The following WWOX variants were observed in gnomAD, a reference collection of about 807,000 sequenced individuals.
WWOX encodes WW domain containing oxidoreductase.
A neutral mutation model predicts 46.2 loss-of-function variants in WWOX; 69 were observed. The observed-to-expected ratio is 1.49, with a 90% CI of 1.23 to 1.82. The LOEUF is 1.82. WWOX is among the 40% of genes most tolerant of loss of function. The probability of loss-of-function intolerance (pLI) is 0.00; values close to 1 mark genes in which losing one functional copy is unlikely to be tolerated. For synonymous variants in WWOX, 359 were observed against 202.6 expected (o/e 1.77, Z -6.56); for missense variants, 919 against 542.6 (o/e 1.69, Z -6.89).
intron 8 of WWOX, among the ~76,000 whole-genome samples, chr16:78,993,502 C>T (rs947155985): frequency 6.6e-6 from 1 of 152,144 alleles, no homozygotes; most frequent in African/African-American, 2.4e-5. Context: ...AATGACTAAT[C>T]AGCACGCAGG....
At chr16:78,198,375 CA>C (rs2036123917) in intron 5 of WWOX, among the ~76,000 whole-genome samples, 1 of 152,152 alleles carries the variant, frequency 6.6e-6, no homozygotes, top group Admixed American at 6.5e-5. Context: ...TATTTGATGT[CA>C]GTAGGAAAAA....
chr16:78,421,723 A>G (rs1714343690), intron 6 of WWOX, among the ~76,000 whole-genome samples: 1 of 152,148 alleles, frequency 6.6e-6, no homozygotes, highest in Non-Finnish European at 1.5e-5. Context: ...TAGAATGGAA[A>G]AACAACAGTA....
chr16:78,969,471 G>T (rs972470669), intron 8 of WWOX, among the ~76,000 whole-genome samples: 3 of 151,798 alleles, frequency 2.0e-5, no homozygotes, highest in African/African-American at 7.3e-5. Context: ...GGGTTTCACC[G>T]TGTTGGCCAG....
At chr16:78,261,817 T>TATATATATATATAC (rs1567464802) in intron 5 of WWOX, among the ~76,000 whole-genome samples, 29 of 146,154 alleles carry the variant, frequency 2.0e-4, no homozygotes, top group African/African-American at 6.5e-4. Flanking sequence ...TATATATATA[T>TATATATATATATAC]ACTTATAATG....
intron 8 of WWOX, among the ~76,000 whole-genome samples, chr16:78,948,713 C>G (rs937712122): frequency 6.6e-6 from 1 of 152,150 alleles, no homozygotes; most frequent in Non-Finnish European, 1.5e-5. Flanking sequence ...GTAGGCAGAA[C>G]TTTGGCCCTC....
At chr16:78,578,269 TATATA>T in intron 8 of WWOX, among the ~76,000 whole-genome samples, 1 of 30,062 alleles carries the variant, frequency 3.3e-5, no homozygotes, top group African/African-American at 1.1e-4. Context: ...TATATATATA[TATATA>T]TATATATATA....
chr16:78,722,178 A>G (rs1332843214), intron 8 of WWOX, among the ~76,000 whole-genome samples: 2 of 152,188 alleles, frequency 1.3e-5, no homozygotes, highest in African/African-American at 4.8e-5. Context: ...CTGTCTGTCC[A>G]GTAGAGGACA....
In WWOX at chr16:78,679,569, T is replaced by TA. The variant is rs570404353; in HGVS notation, c.1056+246823dup. 4.7e-3 allele frequency among the ~76,000 whole-genome samples: 715 copies of TA among 152,048 alleles called. 6 individuals are homozygous for TA. The highest frequency in any genetic ancestry group is 7.2e-3 in the Non-Finnish European group (491 of 67,968). On this transcript the variant is annotated intron_variant, in intron 8 of 8. Transcript: ENST00000566780. ...CCATCTCAAAACATAAGTAAATAAATAAAAAATAAATATAATACAGACACA... is the reference window on the plus strand; with the variant it reads ...CCATCTCAAAACATAAGTAAATAAATAAAAAAATAAATATAATACAGACACA...
intron 8 of WWOX, among the ~76,000 whole-genome samples, chr16:79,039,801 T>C (rs2047937258): frequency 6.6e-6 from 1 of 152,172 alleles, no homozygotes; most frequent in Admixed American, 6.5e-5. Context: ...TCTGAACCTT[T>C]TTGCGTGCTC....
chr16:78,979,345 G>C (rs2046635779), intron 8 of WWOX, among the ~76,000 whole-genome samples: 1 of 152,046 alleles, frequency 6.6e-6, no homozygotes, highest in Non-Finnish European at 1.5e-5. Flanking sequence ...GTTAGGCATT[G>C]GTTTGGCTCC....
intron 5 of WWOX, among the ~76,000 whole-genome samples, chr16:78,205,948 C>CTTCCTT (rs1341854971): frequency 6.7e-6 from 1 of 149,896 alleles, no homozygotes; most frequent in African/African-American, 2.5e-5. Context: ...TCTTTTGTTC[C>CTTCCTT]TTCCTTTCTT....
At chr16:78,368,276 A>G (rs1010950903) in intron 5 of WWOX, among the ~76,000 whole-genome samples, 4 of 152,186 alleles carry the variant, frequency 2.6e-5, no homozygotes, top group African/African-American at 9.7e-5. Context: ...TGGAGGAGAA[A>G]GTTGTAGGTC....
intron 1 of WWOX, among the ~76,000 whole-genome samples, chr16:78,102,445 C>T (rs778780312): frequency 6.6e-6 from 1 of 152,230 alleles, no homozygotes; most frequent in Non-Finnish European, 1.5e-5. Flanking sequence ...ATTCATTCAG[C>T]TTGTGAATTC....
At chr16:78,659,746 G>T (rs2047169769) in intron 8 of WWOX, among the ~76,000 whole-genome samples, 1 of 152,022 alleles carries the variant, frequency 6.6e-6, no homozygotes, top group Non-Finnish European at 1.5e-5. Context: ...TCATATATTT[G>T]CCCACATGAA....
At chr16:78,936,804 G>C (rs760603011) in intron 8 of WWOX, among the ~76,000 whole-genome samples, 41 of 152,134 alleles carry the variant, frequency 2.7e-4, no homozygotes, top group Non-Finnish European at 5.7e-4. Flanking sequence ...TATGTCTAGA[G>C]TATGGTTTTA....
rs138208941 is a variant in WWOX, at chr16:78,299,227, C to T, written c.517-87633C>T. Among the ~76,000 whole-genome samples the T allele has an allele frequency of 2.6e-5, 4 of 152,232 alleles. No homozygotes were observed. The East Asian group carries it at 7.7e-4, about 29-fold the overall frequency. On this transcript the variant is annotated intron_variant, in intron 5 of 8. Transcript: ENST00000566780. ...AGTGGAGGCTATTACTCAGTGGGTGCCGTAACATGTCTGTGTCACCTGGCA... is the reference window on the plus strand; with the variant it reads ...AGTGGAGGCTATTACTCAGTGGGTGTCGTAACATGTCTGTGTCACCTGGCA...
intron 8 of WWOX, among the ~76,000 whole-genome samples, chr16:78,470,113 C>T (rs919045023): frequency 1.3e-5 from 2 of 152,218 alleles, no homozygotes; most frequent in African/African-American, 4.8e-5. Context: ...CCCAGGGACT[C>T]AAGCTCTTTT....
At chr16:79,130,461 G>A (rs533663771) in intron 8 of WWOX, among the ~76,000 whole-genome samples, 1 of 152,226 alleles carries the variant, frequency 6.6e-6, no homozygotes, top group East Asian at 1.9e-4. Context: ...GTAAAAACAG[G>A]GTTAGTAAAG....
chr16:78,567,618 G>T (rs191379200), intron 8 of WWOX, among the ~76,000 whole-genome samples: 1 of 149,418 alleles, frequency 6.7e-6, no homozygotes, highest in African/African-American at 2.5e-5. Context: ...TCCCAAGCTC[G>T]CCGCAGCCTG....
Sources: gnomAD v4.1 joint callset for allele counts (sites outside exome capture counted in the v4.1 genomes callset) on GRCh38, gnomAD v4.1.1 for gene constraint, MANE v1.5 for transcripts, NCBI Gene and HGNC (gene_info 2026-07-23, HGNC 2026-07-21) for gene names.